KIAA0930: variants seen among roughly 807,000 people sequenced by gnomAD.
KIAA0930 encodes the protein KIAA0930.
Under a neutral mutation model 43.9 loss-of-function variants are expected in KIAA0930, and 24 were observed. That is an observed-to-expected ratio of 0.55 (90% CI 0.40 to 0.77). The LOEUF (loss-of-function observed/expected upper bound fraction) is 0.77, where lower values mean the gene tolerates loss of function less well. KIAA0930 is among the 30% of genes least tolerant of loss of function. The probability of loss-of-function intolerance (pLI) is 0.00; values close to 1 mark genes in which losing one functional copy is unlikely to be tolerated. For synonymous variants in KIAA0930, 259 were observed against 216.4 expected (o/e 1.20, Z -1.73); for missense variants, 461 against 574.2 (o/e 0.80, Z 2.02).
rs372186039 is a variant in KIAA0930 at position 45,202,996 on chromosome 22, G to T, written c.846C>A (p.His282Gln). ...CCAGCTGTGCAGCCCTTACCCGCTCGTGCATGGGCGAAGCTGGGCTGGAGT... is the reference window on the plus strand; with the variant it reads ...CCAGCTGTGCAGCCCTTACCCGCTCTTGCATGGGCGAAGCTGGGCTGGAGT... ...EEDSSPASPMHERVTSFSTPP... is the reference protein window; with the variant it reads ...EEDSSPASPMQERVTSFSTPP... The change falls in exon 7 of 10, where the codon CAC becomes CAA. Residue 282 changes from histidine (H) to glutamine (Q), a missense_variant. By Grantham distance (24) the His-to-Gln change is conservative (BLOSUM62 0). Transcript: ENST00000336156. 1.8e-5 allele frequency: 29 copies of T among 1,607,722 alleles called. No individual in the cohort carries two copies. Among genetic ancestry groups the T allele is most frequent in the Non-Finnish European group, 2.2e-5 (26 of 1,177,082 alleles).
At chr22:45,210,002 G>A (rs931181347) in intron 2 of KIAA0930, among the ~76,000 whole-genome samples, 2 of 152,024 alleles carry the variant, frequency 1.3e-5, no homozygotes, top group African/African-American at 2.4e-5. Context: ...CTCATCTGCC[G>A]TTCCTTTCTC....
chr22:45,213,367 G>A, intron 1 of KIAA0930: 1 of 1,303,554 alleles, frequency 7.7e-7, no homozygotes, highest in Non-Finnish European at 1.0e-6. Flanking sequence ...GCAGTGAGAG[G>A]GAGGAAAAGA....
intron 1 of KIAA0930, among the ~76,000 whole-genome samples, chr22:45,233,913 C>G (rs1041832161): frequency 6.6e-6 from 1 of 152,230 alleles, no homozygotes; most frequent in South Asian, 2.1e-4. Context: ...GATCAGAGGT[C>G]CAGAGGGACA....
At chr22:45,226,353 GCCTGCTCT>G in intron 1 of KIAA0930, 1 of 470,990 alleles carries the variant, frequency 2.1e-6, no homozygotes, top group South Asian at 1.5e-5. Flanking sequence ...AGTTCTGTGG[GCCTGCTCT>G]GCCCCAGGCG....
chr22:45,228,859 C>CG (rs1453092312), intron 1 of KIAA0930, among the ~76,000 whole-genome samples: 25 of 88,056 alleles, frequency 2.8e-4, no homozygotes, highest in Non-Finnish European at 5.1e-4. Context: ...TCTTCACCCC[C>CG]CAACCACCAC....
intron 1 of KIAA0930, among the ~76,000 whole-genome samples, chr22:45,215,986 C>A (rs1368395111): frequency 6.6e-6 from 1 of 151,558 alleles, no homozygotes; most frequent in Admixed American, 6.6e-5. Context: ...CGAGATCGCG[C>A]CACTGCTCTC....
At chr22:45,211,046 T>G (rs1177369778) in intron 2 of KIAA0930, among the ~76,000 whole-genome samples, 1 of 152,150 alleles carries the variant, frequency 6.6e-6, no homozygotes, top group Non-Finnish European at 1.5e-5. Context: ...GGGGCCAGCA[T>G]GCAGGCACCC....
chr22:45,224,929 G>A (rs535604490), intron 1 of KIAA0930, among the ~76,000 whole-genome samples: 7 of 152,172 alleles, frequency 4.6e-5, no homozygotes, highest in African/African-American at 1.7e-4. Context: ...GTGGGGAGGG[G>A]GCTGAGAAGG....
intron 1 of KIAA0930, among the ~76,000 whole-genome samples, chr22:45,214,176 C>CAACA (rs528070309): frequency 5.5e-4 from 83 of 152,234 alleles, no homozygotes; most frequent in East Asian, 7.7e-4. Flanking sequence ...GACTCTGTCT[C>CAACA]AACAAACAAA....
intron 8 of KIAA0930, among the ~76,000 whole-genome samples, chr22:45,199,308 G>A (rs2083565047): frequency 6.6e-6 from 1 of 152,144 alleles, no homozygotes; most frequent in African/African-American, 2.4e-5. Context: ...AGGACTAAGG[G>A]GCATGGTAAC....
chr22:45,202,876 C>T lies in KIAA0930; in HGVS notation c.852+114G>A, dbSNP rs555492251. The T allele has an allele frequency of 1.8e-5, 16 of 877,974 alleles. No homozygotes were observed. In the East Asian group the frequency reaches 4.2e-4, roughly 23 times the overall value. The allele number at this position is 877,974 out of a possible 1,614,324, so 54.4% of individuals were successfully genotyped here. A position where few individuals can be genotyped will look rare whatever the true frequency, so the allele number is the denominator to read the frequency against. The stretch of plus-strand genomic sequence containing the variant: ...CACGCTCGGCACCTCGGCCTGCGCA[C>T]TGGTGGTTGGGGATGACAACACCTA... On this transcript the variant is annotated intron_variant, in intron 7 of 9. Coordinates refer to ENST00000336156, the MANE Select transcript of KIAA0930 (RefSeq NM_001009880.2).
intron 1 of KIAA0930, chr22:45,212,537 C>T: frequency 2.1e-6 from 3 of 1,402,948 alleles, no homozygotes; most frequent in Non-Finnish European, 2.8e-6. Context: ...CCACCCACTC[C>T]CCCTGGCTGC....
chr22:45,203,549 G>A (rs535440052), intron 6 of KIAA0930, among the ~76,000 whole-genome samples: 1 of 152,278 alleles, frequency 6.6e-6, no homozygotes, highest in South Asian at 2.1e-4. Context: ...TGACAGTGAG[G>A]AGGTGACAGC....
intron 1 of KIAA0930, among the ~76,000 whole-genome samples, chr22:45,230,459 CCTCT>C (rs1253838568): frequency 2.6e-5 from 4 of 152,130 alleles, no homozygotes; most frequent in Admixed American, 6.6e-5. Context: ...TGAAAGGCAC[CCTCT>C]CTATGTCCGG....
rs769293437 is a variant in KIAA0930, at chr22:45,202,972, C to T, written c.852+18G>A. 3 of 1,574,504 alleles carry T rather than the reference C, an allele frequency of 1.9e-6. No homozygotes were observed. Among genetic ancestry groups the T allele is most frequent in the South Asian group, 1.2e-5 (1 of 86,282 alleles). ...CTTGACGGATGGGAGCCCCCGCCCC[C>T]AGCTGTGCAGCCCTTACCCGCTCGT... On this transcript the variant is annotated intron_variant, in intron 7 of 9. Transcript: ENST00000336156.
intron 1 of KIAA0930, chr22:45,213,233 G>A: frequency 1.8e-6 from 2 of 1,092,824 alleles, no homozygotes; most frequent in Non-Finnish European, 2.5e-6. Flanking sequence ...AAAGAACCAG[G>A]ACTCACAGCC....
intron 1 of KIAA0930, among the ~76,000 whole-genome samples, chr22:45,228,043 A>G (rs752526103): frequency 6.6e-6 from 1 of 152,226 alleles, no homozygotes; most frequent in Non-Finnish European, 1.5e-5. Context: ...GTGGGCTGGC[A>G]GGAGGGACCT....
At chr22:45,212,654 G>T (rs915379507) in intron 1 of KIAA0930, among the ~76,000 whole-genome samples, 1 of 152,196 alleles carries the variant, frequency 6.6e-6, no homozygotes, top group Non-Finnish European at 1.5e-5. Context: ...CCTGCCCCAC[G>T]TCTGCGCAGC....
rs370870475 is a variant in KIAA0930, at chr22:45,221,727, TTTG to T, written c.65-9623_65-9621del. Among the ~76,000 whole-genome samples the T allele has an allele frequency of 8.7e-4, 132 of 152,048 alleles. 1 individual carries two copies. The highest frequency in any genetic ancestry group is 2.7e-3 in the African/African-American group (111 of 41,454). On this transcript the variant is annotated intron_variant, in intron 1 of 9. Transcript: ENST00000336156. ...AACTCAAACACACAATAACTGGGTT[TTTG>T]TTGTTGTTGTTGTTGTTTTTTGAGA...
Sources: gnomAD v4.1 joint callset for allele counts (sites outside exome capture counted in the v4.1 genomes callset) on GRCh38, gnomAD v4.1.1 for gene constraint, MANE v1.5 for transcripts, NCBI Gene and HGNC (gene_info 2026-07-23, HGNC 2026-07-21) for gene names.